NOMO2: variants seen among roughly 807,000 people sequenced by gnomAD.
NOMO2 encodes NODAL modulator 2.
Under a neutral mutation model 67.1 loss-of-function variants are expected in NOMO2, and 14 were observed. That is an observed-to-expected ratio of 0.21 (90% CI 0.14 to 0.33). The LOEUF is 0.33. Among genes scored for constraint, NOMO2 ranks in the 10% least tolerant of loss-of-function variants. The pLI is 1.00. For missense variants in NOMO2, 178 were observed against 761.0 expected, an observed-to-expected ratio of 0.23 and a Z score of 9.01; for synonymous variants, 80 against 305.9, an observed-to-expected ratio of 0.26 and a Z score of 7.71.
chr16:18,558,698 G>A lies in NOMO2; in HGVS notation c.166-907C>T, dbSNP rs577389140. On this transcript the variant is annotated intron_variant, in intron 1 of 30. Coordinates refer to ENST00000622306, the MANE Select transcript of NOMO2 (RefSeq NM_173614.4). ...TTACATTCTGAGCATTACCAGACAC[G>A]AAGTGTTAACCCAGTAAGATGCCCA... 2.3e-3 allele frequency: 775 copies of A among 340,078 alleles called. 4 individuals carry two copies. The highest frequency in any genetic ancestry group is 3.9e-3 in the Non-Finnish European group (633 of 162,724). 21.1% of individuals were successfully genotyped at this position (340,078 alleles called of 1,614,324 possible).
chr16:18,527,252 A>G (rs952644819), intron 16 of NOMO2, among the ~76,000 whole-genome samples: 4 of 150,494 alleles, frequency 2.7e-5, no homozygotes, highest in Non-Finnish European at 5.9e-5. Flanking sequence ...AGAAAGAGCG[A>G]GAAGCCACTG....
intron 5 of NOMO2, among the ~76,000 whole-genome samples, chr16:18,548,552 C>T (rs1165323114): frequency 2.0e-5 from 3 of 151,666 alleles, no homozygotes; most frequent in Non-Finnish European, 2.9e-5. Flanking sequence ...ACATTTACAA[C>T]TCAACTATAT....
At chr16:18,550,975 C>T (rs1453702519) in intron 4 of NOMO2, among the ~76,000 whole-genome samples, 1 of 151,366 alleles carries the variant, frequency 6.6e-6, no homozygotes, top group African/African-American at 2.4e-5. Context: ...CTGGCCAACA[C>T]AGCAAAAGCC....
rs1268505839 is a variant in NOMO2, at chr16:18,561,988, G to A, written c.53C>T (p.Ala18Val). The change falls in exon 1 of 31, where the codon GCG (alanine) becomes GTG (valine). Residue 18 changes from alanine to valine, a missense_variant. Physicochemically the swap from Ala to Val is moderately conservative, Grantham distance 64 (BLOSUM62 0). Coordinates refer to ENST00000622306, the MANE Select transcript of NOMO2 (RefSeq NM_173614.4). ...GLLGPAVVTA[A>V]VVLLLSGVGP... ...CACGCCGCTCAGCAGCAGCACCACC[G>A]CGGCGGTGACCACCGCGGGCCCCAG... 1.9e-6 allele frequency: 3 copies of A among 1,558,778 alleles called. No individual in the cohort carries two copies. The highest frequency in any genetic ancestry group is 4.8e-5 in the East Asian group (2 of 41,370).
Position 18,557,764 on chromosome 16 carries a change from A to C in NOMO2, c.193T>G (p.Leu65Val). 6.2e-7 allele frequency: 1 copy of C among 1,608,912 alleles called. No individual in the cohort carries two copies. Among genetic ancestry groups the C allele is most frequent in the Non-Finnish European group, 8.5e-7 (1 of 1,177,574 alleles). ...GGGGCACAGTCTGTCTGGTATTTCA[A>C]AGTCCCATGCTTGGTGTACAGCTTT... The part of the protein sequence containing the change: ...EIKLYTKHGT[L>V]KYQTDCAPNN... The change falls in exon 2 of 31, where the codon TTG becomes GTG. Residue 65 changes from leucine (L) to valine (V), a missense_variant. Transcript: ENST00000622306.
Position 18,557,574 on chromosome 16 carries a change from T to A in NOMO2, c.255+128A>T. The A allele has an allele frequency of 5.0e-6, 8 of 1,597,638 alleles. No individual in the cohort carries two copies. The Admixed American group carries it at 1.0e-4, about 20-fold the overall frequency. ...GTCTCCCTCCAAATGTGACTAGGAT[T>A]ATCATATTCCACTAATAATTTACAA... On this transcript the variant is annotated intron_variant, in intron 2 of 30. Transcript: ENST00000622306.
chr16:18,559,826 GT>G (rs1381445226), intron 1 of NOMO2, among the ~76,000 whole-genome samples: 1 of 151,738 alleles, frequency 6.6e-6, no homozygotes, highest in African/African-American at 2.4e-5. Flanking sequence ...AGTTTTTAAT[GT>G]GAAACCTGCT....
intron 1 of NOMO2, among the ~76,000 whole-genome samples, chr16:18,561,173 T>TAAA (rs756246897): frequency 0.085 from 2,725 of 32,058 alleles, 161 homozygotes; most frequent in East Asian, 0.13. Flanking sequence ...ACAACTTAAT[T>TAAA]AAAAAAAAAA....
intron 2 of NOMO2, among the ~76,000 whole-genome samples, chr16:18,556,863 C>T (rs893806002): frequency 3.6e-4 from 54 of 151,986 alleles, no homozygotes; most frequent in Non-Finnish European, 5.3e-4. Context: ...CATCGGCTCA[C>T]ACCTGTAATC....
At chr16:18,539,667 G>C (rs1293068098) in intron 9 of NOMO2, among the ~76,000 whole-genome samples, 1 of 151,848 alleles carries the variant, frequency 6.6e-6, no homozygotes, top group Admixed American at 6.6e-5. Flanking sequence ...TGAGGCAGGA[G>C]AATCGCTTCA....
At chr16:18,538,767 A>G (rs1567241995) in intron 10 of NOMO2, 91 bp from the exon 11 acceptor site, 4 of 1,591,850 alleles carry the variant, frequency 2.5e-6, no homozygotes, top group Non-Finnish European at 1.7e-6. Context: ...AAAAGCTGCC[A>G]TGTTCTCATA....
chr16:18,555,510 G>A (rs763065186), intron 2 of NOMO2, among the ~76,000 whole-genome samples: 2,881 of 146,526 alleles, frequency 0.02, no homozygotes, highest in African/African-American at 0.027. Context: ...ACTCCAGCAT[G>A]GGCAGCGGAG....
intron 10 of NOMO2, 49 bp from the exon 11 acceptor site, chr16:18,538,725 T>C: frequency 1.2e-6 from 2 of 1,613,546 alleles, no homozygotes; most frequent in Non-Finnish European, 1.7e-6. Context: ...AATAACAGTG[T>C]ATCCTTACAT....
intron 1 of NOMO2, among the ~76,000 whole-genome samples, chr16:18,561,362 C>T (rs1222614083): frequency 6.6e-6 from 1 of 150,878 alleles, no homozygotes; most frequent in Non-Finnish European, 1.5e-5. Context: ...AGGTCAGAAT[C>T]TATGGGATGG....
At chr16:18,544,872 C>T (rs920227955) in intron 6 of NOMO2, among the ~76,000 whole-genome samples, 3 of 151,874 alleles carry the variant, frequency 2.0e-5, no homozygotes, top group African/African-American at 7.3e-5. Context: ...GCACTGGTTA[C>T]CCAACAGAAG....
rs377627397 is a variant in NOMO2 at position 18,551,803 on chromosome 16, C to T, written c.302-264G>A. On this transcript the variant is annotated intron_variant, in intron 3 of 30. Transcript: ENST00000622306. Reference sequence around the variant, plus strand: ...TTTAGAGTATAAAATAATTTTACAACGCCTTTCAGCTAAGTTATATCTCAG... The same window carrying T: ...TTTAGAGTATAAAATAATTTTACAATGCCTTTCAGCTAAGTTATATCTCAG... 3.7e-3 allele frequency among the ~76,000 whole-genome samples: 559 copies of T among 151,706 alleles called. 3 individuals are homozygous for T. The highest frequency in any genetic ancestry group is 5.3e-3 in the Admixed American group (80 of 15,216).
intron 2 of NOMO2, among the ~76,000 whole-genome samples, 176 bp downstream of exon 2, chr16:18,557,526 T>C (rs1901935833): frequency 6.6e-6 from 1 of 152,004 alleles, no homozygotes; most frequent in Non-Finnish European, 1.5e-5. Flanking sequence ...AGCCACTGTA[T>C]TCGTCAAGGC....
intron 15 of NOMO2, among the ~76,000 whole-genome samples, chr16:18,529,170 G>A (rs1196101147): frequency 6.7e-6 from 1 of 148,996 alleles, no homozygotes; most frequent in African/African-American, 2.4e-5. Flanking sequence ...GGTGAAAACT[G>A]AGGCTGAGAA....
intron 11 of NOMO2, among the ~76,000 whole-genome samples, chr16:18,537,441 T>A (rs1336584311): frequency 1.3e-5 from 2 of 148,296 alleles, no homozygotes; most frequent in Non-Finnish European, 3.0e-5. Context: ...GCTTGTTATA[T>A]TAATGCTCAA....
Sources: gnomAD v4.1 joint callset for allele counts (sites outside exome capture counted in the v4.1 genomes callset) on GRCh38, gnomAD v4.1.1 for gene constraint, MANE v1.5 for transcripts, NCBI Gene and HGNC (gene_info 2026-07-23, HGNC 2026-07-21) for gene names.